Variants in TLR3 observed in about 807,000 individuals in gnomAD.
TLR3 encodes the protein toll-like receptor 3.
Under a neutral mutation model 66.4 loss-of-function variants are expected in TLR3, and 43 were observed. The ratio of observed to expected loss-of-function variants is 0.65; its 90% CI spans 0.51 to 0.83. The LOEUF (loss-of-function observed/expected upper bound fraction) is 0.83. Ranked by LOEUF, TLR3 falls within the 40% of genes least tolerant of loss-of-function variation. The pLI is 0.00. For missense variants in TLR3, 982 were observed against 1,044.6 expected, an observed-to-expected ratio of 0.94 and a Z score of 0.83; for synonymous variants, 397 against 397.2, an observed-to-expected ratio of 1.00 and a Z score of 0.01.
chr4:186,080,282 C>A (rs2099303209), intron 3 of TLR3, among the ~76,000 whole-genome samples: 1 of 151,714 alleles, frequency 6.6e-6, no homozygotes, highest in African/African-American at 2.4e-5. Context: ...TTTTAAACTG[C>A]ATTTTTCTAT....
chr4:186,072,197 G>A (rs2099301593), intron 1 of TLR3, among the ~76,000 whole-genome samples: 1 of 152,242 alleles, frequency 6.6e-6, no homozygotes, highest in African/African-American at 2.4e-5. Context: ...TTCTGGAGGA[G>A]CCTCAAGGAG....
rs565699355 is a variant in TLR3, at chr4:186,084,085, T to A, written c.2399T>A (p.Leu800Gln). ...ERDFEAGVFE[L>Q]EAIVNSIKRS... ...GACTTTGAGGCGGGTGTTTTTGAACTAGAAGCAATTGTTAACAGCATCAAA... is the reference window on the plus strand; with the variant it reads ...GACTTTGAGGCGGGTGTTTTTGAACAAGAAGCAATTGTTAACAGCATCAAA... Residue 800 changes from leucine to glutamine, a missense_variant, in exon 4 of 5, where the codon CTA (leucine) becomes CAA (glutamine). By Grantham distance (113) the Leu-to-Gln change is moderately radical. Transcript: ENST00000296795. The A allele has an allele frequency of 1.9e-6, 3 of 1,614,194 alleles. No individual in the cohort carries two copies. In the African/African-American group the frequency reaches 4.0e-5, roughly 22 times the overall value.
chr4:186,082,101 T>C, intron 3 of TLR3: 1 of 562,402 alleles, frequency 1.8e-6, no homozygotes, highest in Non-Finnish European at 3.1e-6. Context: ...GGCGCATGCC[T>C]GTAATCCCAG....
At chr4:186,080,116 A>G (rs1385191201) in intron 3 of TLR3, among the ~76,000 whole-genome samples, 1 of 151,950 alleles carries the variant, frequency 6.6e-6, no homozygotes, top group Non-Finnish European at 1.5e-5. Context: ...TTTCACATAC[A>G]GGTTTGTCTG....
rs763049418 is a variant in TLR3, at chr4:186,085,086, T to A, written c.*213T>A. ...ACTTAATTTTACCCAAAATAAAACATATAAGCACGTAAGAACATTGTCTAC... is the reference window on the plus strand; with the variant it reads ...ACTTAATTTTACCCAAAATAAAACAAATAAGCACGTAAGAACATTGTCTAC... On this transcript the variant is annotated 3_prime_UTR_variant, in exon 5 of 5. Transcript: ENST00000296795. The A allele has an allele frequency of 8.6e-5, 49 of 570,938 alleles. No individual in the cohort carries two copies. The highest frequency in any genetic ancestry group is 1.5e-4 in the Non-Finnish European group (49 of 324,348). 35.4% of individuals were successfully genotyped at this position (570,938 alleles called of 1,614,324 possible).
Position 186,082,698 on chromosome 4 carries a change from A to G in TLR3, c.1012A>G (p.Ile338Val), listed in dbSNP as rs138548725. The G allele has an allele frequency of 9.3e-6, 15 of 1,613,972 alleles. No individual in the cohort carries two copies. Among genetic ancestry groups the G allele is most frequent in the Non-Finnish European group, 1.2e-5 (14 of 1,179,996 alleles). ...GAAACGGTCTTTTACTAAACAAAGT[A>G]TTTCCCTTGCCTCACTCCCCAAGAT... ...NLKRSFTKQS[I>V]SLASLPKIDD... Residue 338 changes from isoleucine to valine, a missense_variant, in exon 4 of 5, where the codon ATT (isoleucine) becomes GTT (valine). Physicochemically the swap from Ile to Val is conservative, Grantham distance 29 (BLOSUM62 3). Coordinates refer to ENST00000296795, the MANE Select transcript of TLR3 (RefSeq NM_003265.3).
Position 186,083,171 on chromosome 4 carries a change from G to A in TLR3, c.1485G>A (p.Val495=), listed in dbSNP as rs2099303815. Residue 495 remains valine (V), a synonymous_variant, in exon 4 of 5, where the codon GTG becomes GTA. Transcript: ENST00000296795. This position sits in a 1 kb window ranked among gnomAD's most constrained non-coding sequence, Gnocchi z 4.0. ...TCCGAAGGGTGGCCCTTAAAAATGT[G>A]GATAGCTCTCCTTCACCATTCCAGC... The part of the protein sequence containing the change: ...LMLRRVALKN[V]DSSPSPFQPL... The A allele has an allele frequency of 6.2e-7, 1 of 1,614,012 alleles. No homozygotes were observed. The highest frequency in any genetic ancestry group is 8.5e-7 in the Non-Finnish European group (1 of 1,180,040).
rs111488413 is a variant in TLR3 at position 186,084,797 on chromosome 4, C to A, written c.2639C>A (p.Pro880Gln). Reference sequence around the variant, plus strand: ...AAATCTCACTGCATCTTGAACTGGCCAGTTCAGAAAGAACGGATAGGTGCC... The same window carrying A: ...AAATCTCACTGCATCTTGAACTGGCAAGTTCAGAAAGAACGGATAGGTGCC... ...MFKSHCILNW[P>Q]VQKERIGAFR... is the part of the protein sequence containing the mutation. The change falls in exon 5 of 5, where the codon CCA (proline) becomes CAA (glutamine). Residue 880 changes from proline (P) to glutamine (Q), a missense_variant. Physicochemically the swap from Pro to Gln is moderately conservative, Grantham distance 76 (BLOSUM62 -1). Around this residue, in one of 3 missense-constraint regions of TLR3, gnomAD observed 666 missense variants for 709.0 expected, o/e 0.94. Coordinates refer to ENST00000296795, the MANE Select transcript of TLR3 (RefSeq NM_003265.3). 17 of 1,614,080 alleles carry A rather than the reference C, an allele frequency of 1.1e-5. No homozygotes were observed. Among genetic ancestry groups the A allele is most frequent in the Non-Finnish European group, 1.4e-5 (17 of 1,180,010 alleles).
Position 186,083,272 on chromosome 4 carries a change from T to C in TLR3, c.1586T>C (p.Leu529Pro), listed in dbSNP as rs749355507. 6.2e-7 allele frequency: 1 copy of C among 1,614,250 alleles called. No individual in the cohort carries two copies. Among genetic ancestry groups the C allele is most frequent in the South Asian group, 1.1e-5 (1 of 91,088 alleles). Residue 529 changes from leucine to proline, a missense_variant, in exon 4 of 5, where the codon CTT (leucine) becomes CCT (proline). Leu to Pro is a moderately conservative substitution (Grantham distance 98). Coordinates refer to ENST00000296795, the MANE Select transcript of TLR3 (RefSeq NM_003265.3). The surrounding 1 kb of genome is among the most constrained non-coding windows in gnomAD (Gnocchi z 4.0). Reference sequence around the variant, plus strand: ...ATAAATGATGACATGTTGGAGGGTCTTGAGAAACTAGAAATTCTCGATTTG... The same window carrying C: ...ATAAATGATGACATGTTGGAGGGTCCTGAGAAACTAGAAATTCTCGATTTG... ...ANINDDMLEG[L>P]EKLEILDLQH...
chr4:186,084,095 T>C lies in TLR3; in HGVS notation c.2409T>C (p.Ile803=), dbSNP rs1007881798. The change falls in exon 4 of 5, where the codon ATT becomes ATC. Residue 803 remains isoleucine (I), a synonymous_variant. Transcript: ENST00000296795. ...FEAGVFELEA[I]VNSIKRSRKI... is the part of the protein sequence containing the mutation. The stretch of plus-strand genomic sequence containing the variant: ...CGGGTGTTTTTGAACTAGAAGCAAT[T>C]GTTAACAGCATCAAAAGAAGCAGAA... The C allele has an allele frequency of 9.9e-6, 16 of 1,613,982 alleles. No individual in the cohort carries two copies. The highest frequency in any genetic ancestry group is 1.4e-5 in the Non-Finnish European group (16 of 1,180,020).
Position 186,076,739 on chromosome 4 carries a change from G to A in TLR3, c.120G>A (p.Leu40=). The stretch of plus-strand genomic sequence containing the variant: ...ATGAAGTTGCTGACTGCAGCCACCT[G>A]AAGTTGACTCAGGTACCCGATGATC... ...VSHEVADCSH[L]KLTQVPDDLP... is the part of the protein sequence containing the mutation. The change falls in exon 2 of 5, where the codon CTG becomes CTA. Residue 40 remains leucine (L), a synonymous_variant. Coordinates refer to ENST00000296795, the MANE Select transcript of TLR3 (RefSeq NM_003265.3). 1.9e-6 allele frequency: 3 copies of A among 1,614,078 alleles called. No homozygotes were observed. Among genetic ancestry groups the A allele is most frequent in the Non-Finnish European group, 2.5e-6 (3 of 1,180,020 alleles).
At position 186,076,663 on chromosome 4, in the gene TLR3, T is replaced by G. The variant is rs149602022; in HGVS notation, c.44T>G (p.Leu15Trp). Residue 15 changes from leucine (L) to tryptophan (W), a missense_variant, in exon 2 of 5, where the codon TTG becomes TGG. Leu to Trp is a moderately conservative substitution (Grantham distance 61, BLOSUM62 -2). Around this residue, in one of 3 missense-constraint regions of TLR3, gnomAD observed 313 missense variants for 319.0 expected, o/e 0.98. Transcript: ENST00000296795. ...TGTATCTACTTTTGGGGGGGCCTTTTGCCCTTTGGGATGCTGTGTGCATCC... is the reference window on the plus strand; with the variant it reads ...TGTATCTACTTTTGGGGGGGCCTTTGGCCCTTTGGGATGCTGTGTGCATCC... ...LPCIYFWGGL[L>W]PFGMLCASST... The G allele has an allele frequency of 1.4e-4, 220 of 1,614,220 alleles. 1 individual carries two copies. In the African/African-American group the frequency reaches 2.7e-3, roughly 20 times the overall value.
In TLR3 at chr4:186,084,182, C is replaced by G. The variant is rs752305126; in HGVS notation, c.2486+10C>G. ...ACCCATTATGCAAAAGGTAGGTAAA[C>G]ATTGTGAAATTTTAAGTGTGTACTT... is the stretch of plus-strand genomic sequence containing the variant. On this transcript the variant is annotated intron_variant, in intron 4 of 4. Coordinates refer to ENST00000296795, the MANE Select transcript of TLR3 (RefSeq NM_003265.3). 6.2e-7 allele frequency: 1 copy of G among 1,609,826 alleles called. No homozygotes were observed. The highest frequency in any genetic ancestry group is 8.5e-7 in the Non-Finnish European group (1 of 1,177,230).
chr4:186,084,132 G>A lies in TLR3; in HGVS notation c.2446G>A (p.Val816Ile). The part of the protein sequence containing the change: ...SIKRSRKIIF[V>I]ITHHLLKDPL... ...CAAAAGAAGCAGAAAAATTATTTTT[G>A]TTATAACACACCATCTATTAAAAGA... Residue 816 changes from valine to isoleucine, a missense_variant, in exon 4 of 5, where the codon GTT becomes ATT. Coordinates refer to ENST00000296795, the MANE Select transcript of TLR3 (RefSeq NM_003265.3). 6.2e-7 allele frequency: 1 copy of A among 1,613,848 alleles called. No individual in the cohort carries two copies. Among genetic ancestry groups the A allele is most frequent in the Non-Finnish European group, 8.5e-7 (1 of 1,179,962 alleles).
intron 1 of TLR3, among the ~76,000 whole-genome samples, chr4:186,069,644 C>A (rs1241612673): frequency 6.6e-6 from 1 of 152,138 alleles, no homozygotes; most frequent in African/African-American, 2.4e-5. Context: ...AGCGTATCCC[C>A]TTTTGTTAGT....
intron 3 of TLR3, among the ~76,000 whole-genome samples, chr4:186,080,950 AAGAG>A (rs543325474): frequency 2.2e-3 from 341 of 152,338 alleles, no homozygotes; most frequent in African/African-American, 7.6e-3. Context: ...AATGCAAAAA[AAGAG>A]AGAAGTATAG....
At chr4:186,075,285 T>C (rs889976569) in intron 1 of TLR3, among the ~76,000 whole-genome samples, 6 of 152,108 alleles carry the variant, frequency 3.9e-5, no homozygotes, top group Non-Finnish European at 7.4e-5. Context: ...AATTTTTCAG[T>C]TCCATTATGA....
chr4:186,084,958 T>C lies in TLR3; in HGVS notation c.*85T>C. 4 of 1,053,284 alleles carry C rather than the reference T, an allele frequency of 3.8e-6. No individual in the cohort carries two copies. Among genetic ancestry groups the C allele is most frequent in the Non-Finnish European group, 5.7e-6 (4 of 705,118 alleles). The allele number at this position is 1,053,284 out of a possible 1,614,324, so 65.2% of individuals were successfully genotyped here. On this transcript the variant is annotated 3_prime_UTR_variant, in exon 5 of 5. Coordinates refer to ENST00000296795, the MANE Select transcript of TLR3 (RefSeq NM_003265.3). The stretch of plus-strand genomic sequence containing the variant: ...CAAATTTAAGTTTTCCATAAAGGTG[T>C]TATAATTTGTTTATTCATATTTGTA...
chr4:186,080,387 T>C (rs1477187705), intron 3 of TLR3, among the ~76,000 whole-genome samples: 2 of 152,006 alleles, frequency 1.3e-5, no homozygotes, highest in Non-Finnish European at 2.9e-5. Context: ...CAAATGTCCA[T>C]AGTCAGAAAC....
Sources: allele counts gnomAD v4.1 joint callset (sites outside exome capture counted in the v4.1 genomes callset), GRCh38; gene constraint gnomAD v4.1.1; regional missense constraint gnomAD v4.1.1; non-coding constraint Gnocchi (gnomAD v3.1); transcripts MANE v1.5; gene names NCBI Gene and HGNC (gene_info 2026-07-23, HGNC 2026-07-21).